Variants in MYO18A observed in about 807,000 individuals in gnomAD.
MYO18A encodes myosin XVIIIA.
MYO18A carries 78 observed loss-of-function variants against 235.8 expected under a neutral mutation model. That is an observed-to-expected ratio of 0.33 (90% CI 0.28 to 0.40). The LOEUF is 0.40. Among genes scored for constraint, MYO18A ranks in the 10% least tolerant of loss-of-function variants. The probability of loss-of-function intolerance (pLI) is 1.00; values close to 1 mark genes in which losing one functional copy is unlikely to be tolerated. For missense variants in MYO18A, 2,215 were observed against 2,699.3 expected (o/e 0.82, Z 3.98); for synonymous variants, 977 against 1,077.8 (o/e 0.91, Z 1.83).
intron 2 of MYO18A, among the ~76,000 whole-genome samples, chr17:29,160,326 T>C (rs1310064364): frequency 3.3e-5 from 5 of 152,222 alleles, no homozygotes; most frequent in African/African-American, 4.8e-5. Context: ...TCTCAACCTC[T>C]GGGAGGATAG....
At chr17:29,124,656 G>A in intron 2 of MYO18A, 1 of 1,284,606 alleles carries the variant, frequency 7.8e-7, no homozygotes, top group Non-Finnish European at 1.0e-6. Flanking sequence ...ACCCTACCTG[G>A]CTGTGGGCAT....
chr17:29,089,908 C>T (rs917728076), intron 37 of MYO18A, 53 bp downstream of exon 37: 116 of 1,608,626 alleles, frequency 7.2e-5, no homozygotes, highest in East Asian at 2.0e-4. Context: ...GCGGCTCCAG[C>T]GCTGGGGCAG....
At chr17:29,161,482 C>A (rs1472431599) in intron 2 of MYO18A, among the ~76,000 whole-genome samples, 1 of 151,120 alleles carries the variant, frequency 6.6e-6, no homozygotes, top group Non-Finnish European at 1.5e-5. Context: ...TGCACTCCAA[C>A]CTGGGTGACA....
Position 29,158,706 on chromosome 17 carries a change from T to C in MYO18A, c.999+7236A>G, listed in dbSNP as rs2037352035. 6.6e-6 allele frequency among the ~76,000 whole-genome samples: 1 copy of C among 152,140 alleles called. No homozygotes were observed. The highest frequency in any genetic ancestry group is 2.4e-5 in the African/African-American group (1 of 41,442). On this transcript the variant is annotated intron_variant, in intron 2 of 41. Coordinates refer to ENST00000527372, the MANE Select transcript of MYO18A (RefSeq NM_078471.4). The surrounding 1 kb of genome is among the most constrained non-coding windows in gnomAD (Gnocchi z 4.3). ...GAGTAGAATACAGCAGCTTAGTGCA[T>C]TGGGGTGGCGGGAGCCCTGCTGGCA... is the stretch of plus-strand genomic sequence containing the variant.
Position 29,086,420 on chromosome 17 carries a change from C to A in MYO18A, c.5852+18G>T. The A allele has an allele frequency of 1.3e-6, 2 of 1,581,958 alleles. No homozygotes were observed. Among genetic ancestry groups the A allele is most frequent in the East Asian group, 4.6e-5 (2 of 43,262 alleles). ...GGCCTCCGTGCTAGCTGCAGATGCC[C>A]CAGAGGCCACTTCTCACCTGTTGAT... On this transcript the variant is annotated intron_variant, in intron 39 of 41. Transcript: ENST00000527372.
In MYO18A at chr17:29,086,533, C is replaced by CT; in HGVS notation, c.5756dup (p.Ala1920GlyfsTer2). 1 of 1,613,098 alleles carries CT rather than the reference C, an allele frequency of 6.2e-7. No homozygotes were observed. The highest frequency in any genetic ancestry group is 1.7e-4 in the Middle Eastern group (1 of 6,016). On this transcript the variant is annotated frameshift_variant, in exon 39 of 42. Transcript: ENST00000527372. LOFTEE classifies it high-confidence loss of function. The stretch of plus-strand genomic sequence containing the variant: ...GCTTGAATGCCAACTTTAGGTCAGC[C>CT]TGCAGGCTCTGGTTAGCAGCCTCCA...
intron 41 of MYO18A, chr17:29,079,730 A>T: frequency 1.0e-6 from 1 of 986,012 alleles, no homozygotes; most frequent in East Asian, 1.1e-4. Flanking sequence ...CACCTACTGC[A>T]CTAGTCGCTC....
intron 18 of MYO18A, 62 bp downstream of exon 18, chr17:29,110,374 C>T: frequency 9.4e-6 from 14 of 1,497,126 alleles, no homozygotes; most frequent in Non-Finnish European, 1.3e-5. Flanking sequence ...GTCCCCAGGC[C>T]TGCCTACCAG....
chr17:29,148,552 C>T (rs951568848), intron 2 of MYO18A, among the ~76,000 whole-genome samples: 2 of 151,578 alleles, frequency 1.3e-5, no homozygotes, highest in African/African-American at 4.9e-5. Context: ...AGTCCCTTCC[C>T]TTTCTTGGGA....
At position 29,074,799 on chromosome 17, in the gene MYO18A, CTG is replaced by C. The variant is rs144652932; in HGVS notation, c.6134_6135del (p.Thr2045ArgfsTer8). The part of the protein sequence containing the change: ...YSHSYLSDSD[T>X]EAKLTETNA Reference sequence around the variant, plus strand: ...GCGTTAGTCTCCGTCAGCTTGGCCTCTGTGTCGCTGTCACTCAGATAACTGTG... The same window carrying C: ...GCGTTAGTCTCCGTCAGCTTGGCCTCTGTCGCTGTCACTCAGATAACTGTG... On this transcript the variant is annotated frameshift_variant, in exon 42 of 42. Transcript: ENST00000527372. LOFTEE classifies it high-confidence loss of function. This position sits in a 1 kb window ranked among gnomAD's most constrained non-coding sequence, Gnocchi z 4.4. 336 of 1,613,970 alleles carry C rather than the reference CTG, an allele frequency of 2.1e-4. No individual in the cohort carries two copies. In the African/African-American group the frequency reaches 3.9e-3, roughly 19 times the overall value.
chr17:29,105,839 GT>G (rs1225792564), intron 20 of MYO18A, among the ~76,000 whole-genome samples: 3 of 152,088 alleles, frequency 2.0e-5, no homozygotes, highest in Non-Finnish European at 4.4e-5. Flanking sequence ...AGGAAGTCAA[GT>G]CCACAAAGTT....
chr17:29,111,906 T>C lies in MYO18A; in HGVS notation c.2599-43A>G. On this transcript the variant is annotated intron_variant, in intron 15 of 41. Transcript: ENST00000527372. The surrounding 1 kb of genome is among the most constrained non-coding windows in gnomAD (Gnocchi z 5.1). ...AATCCCTCCTTGTCATATGGAGCTGTGGGAAAGGGGCCAGGGTGGTGCCGG... is the reference window on the plus strand; with the variant it reads ...AATCCCTCCTTGTCATATGGAGCTGCGGGAAAGGGGCCAGGGTGGTGCCGG... 1 of 1,587,416 alleles carries C rather than the reference T, an allele frequency of 6.3e-7. No homozygotes were observed. Among genetic ancestry groups the C allele is most frequent in the Non-Finnish European group, 8.6e-7 (1 of 1,166,138 alleles).
rs2066389923 is a variant in MYO18A, at chr17:29,091,166, G to A, written c.5188-240C>T. The A allele has an allele frequency of 1.4e-5, 7 of 510,840 alleles. No homozygotes were observed. In the Admixed American group the frequency reaches 2.4e-4, roughly 17 times the overall value. 31.6% of individuals were successfully genotyped at this position (510,840 alleles called of 1,614,324 possible). ...TGGGCCTCTGAGCTGAATGACAGCT[G>A]CTTCCTGGCAGCTCCTTTGAGGCTA... On this transcript the variant is annotated intron_variant, in intron 34 of 41. Coordinates refer to ENST00000527372, the MANE Select transcript of MYO18A (RefSeq NM_078471.4).
chr17:29,118,669 G>C lies in MYO18A; in HGVS notation c.1830-229C>G, dbSNP rs1392447440. Among the ~76,000 whole-genome samples, 1 of 152,240 alleles carries C rather than the reference G, an allele frequency of 6.6e-6. No homozygotes were observed. Among genetic ancestry groups the C allele is most frequent in the Non-Finnish European group, 1.5e-5 (1 of 68,044 alleles). On this transcript the variant is annotated intron_variant, in intron 8 of 41. Transcript: ENST00000527372. The surrounding 1 kb of genome is among the most constrained non-coding windows in gnomAD (Gnocchi z 4.2). Reference sequence around the variant, plus strand: ...AGCCACCAGACATGCCCTGGTGAGAGGATGCAACCTGGCCCCCGGAAGGGA... The same window carrying C: ...AGCCACCAGACATGCCCTGGTGAGACGATGCAACCTGGCCCCCGGAAGGGA...
intron 2 of MYO18A, among the ~76,000 whole-genome samples, chr17:29,164,631 AG>A (rs1282155261): frequency 6.6e-6 from 1 of 152,240 alleles, no homozygotes; most frequent in Non-Finnish European, 1.5e-5. Flanking sequence ...CTGGTCAAGC[AG>A]CAGGGGCCAG....
intron 34 of MYO18A, 101 bp downstream of exon 34, chr17:29,092,242 T>C (rs1470229343): frequency 1.2e-6 from 1 of 818,168 alleles, no homozygotes; most frequent in East Asian, 2.7e-5. Context: ...CTGTCACAAG[T>C]CCTGACGTGG....
At chr17:29,087,949 T>C (rs766697744) in intron 37 of MYO18A, among the ~76,000 whole-genome samples, 7 of 151,948 alleles carry the variant, frequency 4.6e-5, no homozygotes, top group South Asian at 2.1e-4. Flanking sequence ...TGTCCCTTGA[T>C]AGCTTTGTGA....
At chr17:29,114,481 G>C (rs1055167611) in intron 14 of MYO18A, among the ~76,000 whole-genome samples, 2 of 152,222 alleles carry the variant, frequency 1.3e-5, no homozygotes, top group Non-Finnish European at 2.9e-5. Flanking sequence ...CTCACTTCCA[G>C]ATGAGGCAGG....
At chr17:29,076,019 CA>C (rs1416285717) in intron 41 of MYO18A, 5 of 157,844 alleles carry the variant, frequency 3.2e-5, no homozygotes, top group African/African-American at 1.2e-4. Flanking sequence ...GTTCTATCCC[CA>C]AACCAAAATA....
Sources: gnomAD v4.1 joint callset for allele counts (sites outside exome capture counted in the v4.1 genomes callset) on GRCh38, gnomAD v4.1.1 for gene constraint, Gnocchi (gnomAD v3.1) non-coding constraint, MANE v1.5 for transcripts, NCBI Gene and HGNC (gene_info 2026-07-23, HGNC 2026-07-21) for gene names.